Variants in EPB41L5 observed in about 807,000 individuals in gnomAD.
The protein encoded by EPB41L5 is band 4.1-like protein 5.
Under a neutral mutation model 106.6 loss-of-function variants are expected in EPB41L5, and 55 were observed. The observed-to-expected ratio is 0.52, with a 90% confidence interval of 0.42 to 0.65. The LOEUF (loss-of-function observed/expected upper bound fraction) is 0.65. EPB41L5 is among the 30% of genes least tolerant of loss of function. EPB41L5 has a pLI of 0.00. For missense variants in EPB41L5, 871 were observed against 882.1 expected, an observed-to-expected ratio of 0.99 and a Z score of 0.16; for synonymous variants, 297 against 306.7, an observed-to-expected ratio of 0.97 and a Z score of 0.33.
At chr2:120,091,388 A>G (rs535746373) in intron 12 of EPB41L5, among the ~76,000 whole-genome samples, 167 bp from the exon 13 acceptor site, 21 of 152,240 alleles carry the variant, frequency 1.4e-4, no homozygotes, top group South Asian at 2.1e-4. Flanking sequence ...ACAAAAGCCG[A>G]AAGAATGATA....
intron 24 of EPB41L5, among the ~76,000 whole-genome samples, chr2:120,173,051 G>A (rs973622028): frequency 1.3e-5 from 2 of 152,030 alleles, no homozygotes; most frequent in African/African-American, 4.8e-5. Flanking sequence ...AACATACTGA[G>A]ACTTCGTTTC....
chr2:120,080,144 A>G (rs1055920343), intron 10 of EPB41L5, among the ~76,000 whole-genome samples: 1 of 151,386 alleles, frequency 6.6e-6, no homozygotes, highest in Non-Finnish European at 1.5e-5. Context: ...GTTCTAGGGT[A>G]CATGTGCAAA....
At chr2:120,053,184 C>T (rs999905747) in intron 3 of EPB41L5, among the ~76,000 whole-genome samples, 8 of 152,076 alleles carry the variant, frequency 5.3e-5, no homozygotes, top group Non-Finnish European at 1.0e-4. Flanking sequence ...CACAGTGGAA[C>T]GTAAAGCACT....
At chr2:120,045,199 A>G (rs1205121052) in intron 3 of EPB41L5, among the ~76,000 whole-genome samples, 9 of 152,252 alleles carry the variant, frequency 5.9e-5, no homozygotes, top group Non-Finnish European at 1.3e-4. Context: ...GTCTATGACT[A>G]TAGAATTATG....
At position 120,093,007 on chromosome 2, in the gene EPB41L5, A is replaced by G. The variant is rs549938530; in HGVS notation, c.1151-242A>G. 4.6e-5 allele frequency among the ~76,000 whole-genome samples: 7 copies of G among 152,302 alleles called. No homozygotes were observed. In the South Asian group the frequency reaches 1.4e-3, roughly 32 times the overall value. On this transcript the variant is annotated intron_variant, in intron 13 of 24. Transcript: ENST00000263713. ...TTTAATCCCAGCACTTTGGGAGGCC[A>G]AGGTGGGAGGATTGCTTGAGCCCAA...
intron 3 of EPB41L5, among the ~76,000 whole-genome samples, chr2:120,052,399 C>G (rs963694439): frequency 6.6e-6 from 1 of 152,186 alleles, no homozygotes; most frequent in Non-Finnish European, 1.5e-5. Flanking sequence ...ACTAGTGATA[C>G]TAAATTTGAT....
At chr2:120,162,855 G>C (rs1687194687) in intron 21 of EPB41L5, among the ~76,000 whole-genome samples, 1 of 152,182 alleles carries the variant, frequency 6.6e-6, no homozygotes, top group Admixed American at 6.5e-5. Flanking sequence ...GAAGATGCGA[G>C]AGGAGAGAAC....
intron 3 of EPB41L5, among the ~76,000 whole-genome samples, chr2:120,061,283 C>G (rs1416614812): frequency 1.4e-5 from 2 of 144,652 alleles, no homozygotes; most frequent in African/African-American, 5.1e-5. Context: ...AGTGCAGTGG[C>G]GGGATCTCGG....
chr2:120,061,739 A>G (rs369546796), intron 3 of EPB41L5, among the ~76,000 whole-genome samples: 9 of 152,318 alleles, frequency 5.9e-5, no homozygotes, highest in East Asian at 5.8e-4. Flanking sequence ...GATACTGTAT[A>G]TTATGCTTTT....
chr2:120,051,496 C>T (rs113230809), intron 3 of EPB41L5, among the ~76,000 whole-genome samples: 71 of 152,294 alleles, frequency 4.7e-4, no homozygotes, highest in African/African-American at 1.4e-3. Context: ...TTGCTAAGAC[C>T]GTTGGAAAAG....
intron 10 of EPB41L5, among the ~76,000 whole-genome samples, chr2:120,081,969 G>A (rs555989783): frequency 3.3e-5 from 5 of 152,316 alleles, no homozygotes; most frequent in African/African-American, 1.2e-4. Context: ...TGTATACTGA[G>A]ACTTTGCTGA....
chr2:120,147,193 A>T (rs1011349475), intron 20 of EPB41L5, among the ~76,000 whole-genome samples: 1 of 152,200 alleles, frequency 6.6e-6, no homozygotes, highest in African/African-American at 2.4e-5. Context: ...ACAATTAAAA[A>T]TAAAAAATTA....
intron 3 of EPB41L5, among the ~76,000 whole-genome samples, chr2:120,058,157 T>C (rs1298200735): frequency 6.6e-6 from 1 of 152,132 alleles, no homozygotes; most frequent in Non-Finnish European, 1.5e-5. Flanking sequence ...ATACTTGTTA[T>C]GTTTTGTATT....
At chr2:120,171,927 A>G (rs988454527) in intron 24 of EPB41L5, among the ~76,000 whole-genome samples, 1 of 152,218 alleles carries the variant, frequency 6.6e-6, no homozygotes, top group African/African-American at 2.4e-5. Flanking sequence ...GGCAATGTAA[A>G]TAACAAAAGA....
rs1558850429 is a variant in EPB41L5, at chr2:120,075,509, T to C, written c.441T>C (p.Ile147=). Residue 147 remains isoleucine (I), a synonymous_variant, in exon 6 of 25, where the codon ATT becomes ATC. Coordinates refer to ENST00000263713, the MANE Select transcript of EPB41L5 (RefSeq NM_020909.4). ...TTGTTCTTCAGTTAAAACAAGATAT[T>C]CTCAGTGGAAAGTGAGTATTAGTTA... The part of the protein sequence containing the change: ...YLFVLQLKQD[I]LSGKLDCPFD... 2 of 1,576,968 alleles carry C rather than the reference T, an allele frequency of 1.3e-6. No individual in the cohort carries two copies. The highest frequency in any genetic ancestry group is 1.7e-6 in the Non-Finnish European group (2 of 1,147,806).
At chr2:120,044,535 G>C (rs892427214) in intron 3 of EPB41L5, among the ~76,000 whole-genome samples, 5 of 152,106 alleles carry the variant, frequency 3.3e-5, no homozygotes, top group Non-Finnish European at 5.9e-5. Context: ...TGTTTTTTGA[G>C]GCAGTGTGAG....
chr2:120,111,171 G>C (rs1684715137), intron 16 of EPB41L5, among the ~76,000 whole-genome samples: 2 of 152,150 alleles, frequency 1.3e-5, no homozygotes, highest in South Asian at 2.1e-4. Flanking sequence ...TGTTTTTCAT[G>C]GTTGGCCAGA....
At chr2:120,170,743 T>G (rs1344801480) in intron 24 of EPB41L5, among the ~76,000 whole-genome samples, 1 of 152,192 alleles carries the variant, frequency 6.6e-6, no homozygotes, top group Admixed American at 6.5e-5. Context: ...TGTGAACAGC[T>G]GGAGATGGAG....
chr2:120,171,446 C>T (rs998023270), intron 24 of EPB41L5, among the ~76,000 whole-genome samples: 2 of 152,152 alleles, frequency 1.3e-5, no homozygotes, highest in Non-Finnish European at 2.9e-5. Flanking sequence ...AGTTTTCCCT[C>T]GGGAGGAGCC....
Sources: allele counts gnomAD v4.1 joint callset (sites outside exome capture counted in the v4.1 genomes callset), GRCh38; gene constraint gnomAD v4.1.1; transcripts MANE v1.5; gene names NCBI Gene and HGNC (gene_info 2026-07-23, HGNC 2026-07-21).